LPA: variants seen among roughly 807,000 people sequenced by gnomAD.
LPA encodes the protein lipoprotein(a), also known as apolipoprotein(a).
A neutral mutation model predicts 197.9 loss-of-function variants in LPA; 199 were observed. The ratio of observed to expected loss-of-function variants is 1.01; its 90% CI spans 0.90 to 1.13. The LOEUF is 1.13. LPA is among the 50% of genes most tolerant of loss of function. LPA has a pLI of 0.00. For missense variants in LPA, 1,853 were observed against 1,785.8 expected (o/e 1.04, Z -0.68); for synonymous variants, 715 against 639.5 (o/e 1.12, Z -1.78).
intron 16 of LPA, among the ~76,000 whole-genome samples, chr6:160,608,602 C>T (rs764617428): frequency 2.0e-5 from 3 of 151,796 alleles, no homozygotes; most frequent in Non-Finnish European, 2.9e-5. Context: ...TTTTTCGAAA[C>T]GCCTATTTGA....
At chr6:160,556,454 G>A (rs1778265187) in intron 29 of LPA, among the ~76,000 whole-genome samples, 1 of 152,098 alleles carries the variant, frequency 6.6e-6, no homozygotes, top group Non-Finnish European at 1.5e-5. Context: ...AAGCTCTTTC[G>A]TATGGCTCTC....
intron 28 of LPA, among the ~76,000 whole-genome samples, chr6:160,562,903 C>T (rs1778386652): frequency 6.6e-6 from 1 of 152,086 alleles, no homozygotes; most frequent in Non-Finnish European, 1.5e-5. Context: ...TCTGTGGCAT[C>T]ATTGGTGATA....
At position 160,635,633 on chromosome 6, in the gene LPA, G is replaced by A. The variant is rs1444801668; in HGVS notation, c.894-329C>T. Among the ~76,000 whole-genome samples, 4 of 124,548 alleles carry A rather than the reference G, an allele frequency of 3.2e-5. 1 individual carries two copies. Among genetic ancestry groups the A allele is most frequent in the African/African-American group, 1.3e-4 (4 of 30,204 alleles). 81.7% of individuals were successfully genotyped at this position (124,548 alleles called of 152,430 possible). On this transcript the variant is annotated intron_variant, in intron 6 of 38. Coordinates refer to ENST00000316300, the MANE Select transcript of LPA (RefSeq NM_005577.4). ...GCCTCCTACCCAATCCATCTCTCTG[G>A]AATAACTGGTATGGGTTTTGACGTC...
chr6:160,660,748 C>G (rs1582907347), intron 1 of LPA, among the ~76,000 whole-genome samples: 1 of 151,382 alleles, frequency 6.6e-6, no homozygotes, highest in African/African-American at 2.4e-5. Context: ...ATTATGTTCT[C>G]ATCTTGGGCA....
At chr6:160,589,284 C>T (rs994429828) in intron 24 of LPA, among the ~76,000 whole-genome samples, 2 of 152,224 alleles carry the variant, frequency 1.3e-5, no homozygotes, top group African/African-American at 4.8e-5. Context: ...TTTCTAAGCA[C>T]ATGGTCATAT....
At chr6:160,554,071 G>A (rs1219200006) in intron 30 of LPA, among the ~76,000 whole-genome samples, 1 of 151,970 alleles carries the variant, frequency 6.6e-6, no homozygotes. Context: ...GCCATCCAGT[G>A]AGTATTTTAT....
intron 32 of LPA, among the ~76,000 whole-genome samples, chr6:160,546,375 T>C (rs1455721161): frequency 2.0e-5 from 3 of 152,178 alleles, no homozygotes; most frequent in Admixed American, 1.3e-4. Context: ...GGAGAGGGCA[T>C]AGAGGCTCTG....
chr6:160,663,559 G>T (rs1008279565), intron 1 of LPA, among the ~76,000 whole-genome samples: 10 of 152,134 alleles, frequency 6.6e-5, no homozygotes, highest in African/African-American at 2.4e-4. Flanking sequence ...AAAAATGTGG[G>T]GACCTAACCC....
intron 16 of LPA, among the ~76,000 whole-genome samples, chr6:160,609,437 T>C (rs6455695): frequency 0.4 from 60,705 of 151,918 alleles, 12,487 homozygotes; most frequent in African/African-American, 0.49. Context: ...AGCTCTTTTT[T>C]CTCCAGTTTC....
chr6:160,572,530 G>A lies in LPA; in HGVS notation c.4631+4606C>T, dbSNP rs1409627853. ...GTGATTTATGCTTTAAAGAGATTCT[G>A]TTTTCATGTGTTTCTAGGATTTGTT... is the stretch of plus-strand genomic sequence containing the variant. On this transcript the variant is annotated intron_variant, in intron 28 of 38. Coordinates refer to ENST00000316300, the MANE Select transcript of LPA (RefSeq NM_005577.4). Among the ~76,000 whole-genome samples, 8 of 151,886 alleles carry A rather than the reference G, an allele frequency of 5.3e-5. No homozygotes were observed. In the South Asian group the frequency reaches 1.1e-3, roughly 20 times the overall value.
chr6:160,652,814 T>C (rs1053157423), intron 1 of LPA, among the ~76,000 whole-genome samples: 1 of 152,112 alleles, frequency 6.6e-6, no homozygotes, highest in Non-Finnish European at 1.5e-5. Flanking sequence ...AAGATTTCTA[T>C]ATATCCAGTA....
chr6:160,652,052 T>C (rs922913060), intron 1 of LPA, among the ~76,000 whole-genome samples: 17 of 144,040 alleles, frequency 1.2e-4, no homozygotes, highest in Non-Finnish European at 1.8e-4. Context: ...ATAAGGTTTA[T>C]GAAGCAATAT....
chr6:160,635,026 A>G, intron 7 of LPA, 97 bp downstream of exon 7: 1 of 1,505,534 alleles, frequency 6.6e-7, no homozygotes, highest in Non-Finnish European at 9.1e-7. Flanking sequence ...ACACTCGAGC[A>G]TCCGTTTACC....
intron 28 of LPA, among the ~76,000 whole-genome samples, chr6:160,557,981 G>A (rs1176069606): frequency 1.3e-5 from 2 of 151,194 alleles, no homozygotes; most frequent in Admixed American, 6.6e-5. Context: ...GTGCAGTGGC[G>A]CAATCTCGGC....
At position 160,599,524 on chromosome 6, in the gene LPA, C is replaced by T. The variant is rs373452736; in HGVS notation, c.3263G>A (p.Arg1088Gln). 11 of 1,613,794 alleles carry T rather than the reference C, an allele frequency of 6.8e-6. No individual in the cohort carries two copies. The highest frequency in any genetic ancestry group is 6.7e-5 in the African/African-American group (5 of 74,888). Residue 1088 changes from arginine (R) to glutamine (Q), a missense_variant, in exon 20 of 39, where the codon CGG becomes CAG. Transcript: ENST00000316300. ...CGCATTTGGGTAGTTTTCTGGGGTC[C>T]GACTATGCTGGTGTGGTGTCATAGA... is the stretch of plus-strand genomic sequence containing the variant. ...WSSMTPHQHS[R>Q]TPENYPNAGL... is the part of the protein sequence containing the mutation.
At chr6:160,610,861 C>T (rs1779488083) in intron 16 of LPA, among the ~76,000 whole-genome samples, 2 of 152,266 alleles carry the variant, frequency 1.3e-5, no homozygotes, top group South Asian at 2.1e-4. Context: ...AGGTCCTCTA[C>T]CATCTGTTGT....
At chr6:160,656,289 G>A (rs1780131353) in intron 1 of LPA, among the ~76,000 whole-genome samples, 1 of 152,186 alleles carries the variant, frequency 6.6e-6, no homozygotes, top group South Asian at 2.1e-4. Context: ...TTTCTAGGTA[G>A]AGACAGCTCT....
rs544270646 is a variant in LPA, at chr6:160,590,879, A to G, written c.3787+65T>C. The G allele has an allele frequency of 1.2e-5, 20 of 1,603,946 alleles. No individual in the cohort carries two copies. The East Asian group carries it at 4.3e-4, about 34-fold the overall frequency. Reference sequence around the variant, plus strand: ...CAGCATGGAAGGCTTCTGTATCACTAAGATTTTGCAACTCTTTTTATCCCA... The same window carrying G: ...CAGCATGGAAGGCTTCTGTATCACTGAGATTTTGCAACTCTTTTTATCCCA... On this transcript the variant is annotated intron_variant, in intron 23 of 38. Coordinates refer to ENST00000316300, the MANE Select transcript of LPA (RefSeq NM_005577.4).
chr6:160,609,199 C>A (rs75692336), intron 16 of LPA, among the ~76,000 whole-genome samples: 14,030 of 152,072 alleles, frequency 0.092, 817 homozygotes, highest in Non-Finnish European at 0.14. Flanking sequence ...CATAAGCCTG[C>A]TGATTCCAAA....
Sources: gnomAD v4.1 joint callset for allele counts (sites outside exome capture counted in the v4.1 genomes callset) on GRCh38, gnomAD v4.1.1 for gene constraint, MANE v1.5 for transcripts, NCBI Gene and HGNC (gene_info 2026-07-23, HGNC 2026-07-21) for gene names.